Variants in ECSCR observed in about 807,000 individuals in gnomAD.
ECSCR encodes the protein endothelial cell-specific chemotaxis regulator.
In ECSCR, 12 loss-of-function variants were observed where a neutral mutation model predicts 16.7. The observed-to-expected ratio is 0.72, with a 90% confidence interval of 0.46 to 1.17. The LOEUF is 1.17. Among genes scored for constraint, ECSCR ranks in the 50% most tolerant of loss-of-function variants. ECSCR has a pLI of 0.00. For missense variants in ECSCR, 122 were observed against 116.1 expected (o/e 1.05, Z -0.23); for synonymous variants, 44 against 42.2 (o/e 1.04, Z -0.17).
intron 2 of ECSCR, 25 bp from the exon 3 acceptor site, chr5:139,457,832 G>C: frequency 6.3e-7 from 1 of 1,592,476 alleles, no homozygotes; most frequent in African/African-American, 1.3e-5. Flanking sequence ...CTGAGGCTGA[G>C]GGGTGCACCG....
intron 5 of ECSCR, 78 bp downstream of exon 5, chr5:139,456,396 G>T: frequency 2.5e-6 from 1 of 397,650 alleles, no homozygotes; most frequent in Non-Finnish European, 4.4e-6. Flanking sequence ...AAATCTGAGA[G>T]CCAAGGGATA....
chr5:139,461,416 C>T (rs373454073), intron 1 of ECSCR, among the ~76,000 whole-genome samples: 37 of 152,276 alleles, frequency 2.4e-4, no homozygotes, highest in Middle Eastern at 6.8e-3. Context: ...CCAGGAAATG[C>T]TCTGCACACT....
intron 2 of ECSCR, 76 bp from the exon 3 acceptor site, chr5:139,457,883 G>A: frequency 6.7e-7 from 1 of 1,482,794 alleles, no homozygotes; most frequent in Non-Finnish European, 9.2e-7. Flanking sequence ...CCCTAGATCT[G>A]TGTGTCTTTC....
intron 1 of ECSCR, 94 bp from the exon 2 acceptor site, chr5:139,458,277 G>A (rs918986317): frequency 1.6e-6 from 2 of 1,241,396 alleles, no homozygotes; most frequent in Non-Finnish European, 2.3e-6. Context: ...GCCCAGCCTG[G>A]GCAACATAGC....
chr5:139,451,958 G>A (rs1208000944), intron 8 of ECSCR, among the ~76,000 whole-genome samples: 1 of 149,712 alleles, frequency 6.7e-6, no homozygotes, highest in Non-Finnish European at 1.5e-5. Context: ...TGTGGGATGT[G>A]TGTATAGTAT....
rs1025574270 is a variant in ECSCR, at chr5:139,458,148, T to C, written c.97A>G (p.Ser33Gly). 1.9e-6 allele frequency: 3 copies of C among 1,549,544 alleles called. No individual in the cohort carries two copies. Among genetic ancestry groups the C allele is most frequent in the Non-Finnish European group, 2.6e-6 (3 of 1,146,952 alleles). Residue 33 changes from serine (S) to glycine (G), a missense_variant, in exon 2 of 10, where the codon AGC becomes GGC. Ser to Gly is a moderately conservative substitution (Grantham distance 56). Transcript: ENST00000618155. The stretch of plus-strand genomic sequence containing the variant: ...ATGTGTTTGGTCTTACCCTGAGAGC[T>C]AGAGGTCTGGGTCATTGTGGGCTGG... The part of the protein sequence containing the change: ...NSQPTMTQTS[S>G]SQGGLGGLSL...
At chr5:139,458,530 AAAAG>A (rs1222181552) in intron 1 of ECSCR, among the ~76,000 whole-genome samples, 175 of 137,748 alleles carry the variant, frequency 1.3e-3, no homozygotes, top group South Asian at 2.3e-3. Flanking sequence ...AAAAAAAAAA[AAAAG>A]AAAGAAAAAG....
intron 8 of ECSCR, among the ~76,000 whole-genome samples, chr5:139,450,879 T>G (rs990479680): frequency 1.2e-4 from 18 of 152,268 alleles, no homozygotes; most frequent in Middle Eastern, 3.4e-3. Flanking sequence ...AAGTATTCAA[T>G]AAGTGGTTCC....
At chr5:139,458,057 G>T in intron 2 of ECSCR, 82 bp downstream of exon 2, 2 of 1,444,934 alleles carry the variant, frequency 1.4e-6, no homozygotes, top group Non-Finnish European at 1.9e-6. Flanking sequence ...TGAGGTTAAG[G>T]CTAAATTGGC....
At chr5:139,458,941 G>A (rs548113369) in intron 1 of ECSCR, among the ~76,000 whole-genome samples, 4 of 152,248 alleles carry the variant, frequency 2.6e-5, no homozygotes, top group Admixed American at 6.5e-5. Context: ...AGGACTAAAG[G>A]ATGTGGGCTG....
Position 139,458,110 on chromosome 5 carries a change from C to G in ECSCR, c.106+29G>C, listed in dbSNP as rs1416500093. ...CTTCCTAAGCTCCTAGGCCTACACG[C>G]TGGAGTAGACCCATGTGTTTGGTCT... On this transcript the variant is annotated intron_variant, in intron 2 of 9. Transcript: ENST00000618155. 1.9e-6 allele frequency: 3 copies of G among 1,546,862 alleles called. No homozygotes were observed. The African/African-American group carries it at 4.1e-5, about 21-fold the overall frequency.
Position 139,448,814 on chromosome 5 carries a change from AT to A in ECSCR, c.*85del. ...CAATAAAATAATTTACATGTGGTTC[AT>A]TGCCTCTACTAATTCCATCTCTTCC... On this transcript the variant is annotated 3_prime_UTR_variant, in exon 10 of 10. Coordinates refer to ENST00000618155, the MANE Select transcript of ECSCR (RefSeq NM_001077693.4). 9.8e-6 allele frequency: 15 copies of A among 1,525,268 alleles called. No homozygotes were observed. Among genetic ancestry groups the A allele is most frequent in the Non-Finnish European group, 1.3e-5 (15 of 1,142,736 alleles). 94.5% of individuals were successfully genotyped at this position (1,525,268 alleles called of 1,614,324 possible). A position where few individuals can be genotyped will look rare whatever the true frequency, so the allele number is the denominator to read the frequency against.
chr5:139,452,104 C>A (rs1364631605), intron 8 of ECSCR, among the ~76,000 whole-genome samples: 2 of 130,472 alleles, frequency 1.5e-5, no homozygotes, highest in African/African-American at 6.0e-5. Flanking sequence ...TGTGGATGTG[C>A]ATGGGGTGTG....
At chr5:139,451,181 G>A (rs1751034805) in intron 8 of ECSCR, among the ~76,000 whole-genome samples, 2 of 150,828 alleles carry the variant, frequency 1.3e-5, no homozygotes, top group South Asian at 4.2e-4. Context: ...CATGTGTGGT[G>A]TGTGTGTATG....
chr5:139,460,722 T>A (rs1011969157), intron 1 of ECSCR, among the ~76,000 whole-genome samples: 4 of 152,128 alleles, frequency 2.6e-5, no homozygotes, highest in Admixed American at 2.6e-4. Flanking sequence ...GGCCTGCAGA[T>A]TCCCAAAGAA....
chr5:139,458,496 T>TCAA (rs1372108322), intron 1 of ECSCR, among the ~76,000 whole-genome samples: 122 of 33,110 alleles, frequency 3.7e-3, no homozygotes, highest in Middle Eastern at 0.053. Context: ...AGACCCTATC[T>TCAA]CAACAAAAAA....
At chr5:139,451,559 G>T (rs1404652513) in intron 8 of ECSCR, among the ~76,000 whole-genome samples, 1 of 147,582 alleles carries the variant, frequency 6.8e-6, no homozygotes. Context: ...AGGGTACGGG[G>T]TGTGTGTGTG....
intron 1 of ECSCR, among the ~76,000 whole-genome samples, chr5:139,458,461 A>T (rs1252258550): frequency 4.4e-5 from 6 of 136,692 alleles, no homozygotes; most frequent in Non-Finnish European, 7.7e-5. Context: ...TTGCACCACT[A>T]CACTCCAGCC....
chr5:139,457,863 C>T lies in ECSCR; in HGVS notation c.107-56G>A. 2.6e-6 allele frequency: 4 copies of T among 1,536,366 alleles called. No individual in the cohort carries two copies. In the South Asian group the frequency reaches 4.7e-5, roughly 18 times the overall value. On this transcript the variant is annotated intron_variant, in intron 2 of 9. Coordinates refer to ENST00000618155, the MANE Select transcript of ECSCR (RefSeq NM_001077693.4). ...CACCGCCTCCTACTGTTCCATCTCC[C>T]TCTCTTGTTCCCTAGATCTGTGTGT... is the stretch of plus-strand genomic sequence containing the variant.
Sources: allele counts gnomAD v4.1 joint callset (sites outside exome capture counted in the v4.1 genomes callset), GRCh38; gene constraint gnomAD v4.1.1; transcripts MANE v1.5; gene names NCBI Gene and HGNC (gene_info 2026-07-23, HGNC 2026-07-21).